NXPE4: variants seen among roughly 807,000 people sequenced by gnomAD.
The protein encoded by NXPE4 is neurexophilin and PC-esterase domain family member 4.
A neutral mutation model predicts 33.3 loss-of-function variants in NXPE4; 42 were observed. The observed-to-expected ratio is 1.26, with a 90% CI of 0.98 to 1.63. The LOEUF (loss-of-function observed/expected upper bound fraction) is 1.63, where lower values mean the gene tolerates loss of function less well. Ranked by LOEUF, NXPE4 falls within the 40% of genes most tolerant of loss-of-function variation. The pLI, the probability that NXPE4 is intolerant of heterozygous loss-of-function variation, is 0.00. For missense variants in NXPE4, 709 were observed against 647.6 expected (o/e 1.09, Z -1.03); for synonymous variants, 253 against 234.9 (o/e 1.08, Z -0.71).
At chr11:114,637,320 A>G in the NXPE4 span, among the ~76,000 whole-genome samples, 8 of 151,682 alleles carry the variant, frequency 5.3e-5, no homozygotes, top group Non-Finnish European at 1.0e-4. Context: ...TGCTTGGTAG[A>G]TCTTCCTCCA....
chr11:114,601,875 T>C, the NXPE4 span, among the ~76,000 whole-genome samples: 1 of 3,828 alleles, frequency 2.6e-4, no homozygotes, highest in Admixed American at 8.9e-3. Context: ...TTATATATAT[T>C]ATATATAATT....
chr11:114,666,698 G>A, the NXPE4 span, among the ~76,000 whole-genome samples: 1 of 151,956 alleles, frequency 6.6e-6, no homozygotes, highest in African/African-American at 2.4e-5. Flanking sequence ...TTTCTAAAGA[G>A]GTATTAGGGT....
chr11:114,571,626 T>C (rs147233881), intron 5 of NXPE4, among the ~76,000 whole-genome samples, 153 bp from the exon 6 acceptor site: 5 of 152,212 alleles, frequency 3.3e-5, no homozygotes, highest in African/African-American at 1.2e-4. Context: ...TTTTGAAAAT[T>C]ATTTGAACAG....
chr11:114,650,324 T>C, the NXPE4 span, among the ~76,000 whole-genome samples: 16 of 152,298 alleles, frequency 1.1e-4, no homozygotes, highest in African/African-American at 3.9e-4. Context: ...TGTGCTAATT[T>C]GGAATAGCTG....
chr11:114,608,975 C>A, the NXPE4 span, among the ~76,000 whole-genome samples: 24 of 151,986 alleles, frequency 1.6e-4, no homozygotes, highest in South Asian at 4.2e-3. Flanking sequence ...AGTGTTGCCT[C>A]GTGGGTAACC....
intron 2 of NXPE4, among the ~76,000 whole-genome samples, chr11:114,590,300 C>A (rs1321865111): frequency 6.6e-6 from 1 of 152,160 alleles, no homozygotes; most frequent in East Asian, 1.9e-4. Context: ...CCCAGCTTTG[C>A]AAAACCTTGG....
At chr11:114,608,663 G>A in the NXPE4 span, among the ~76,000 whole-genome samples, 44 of 151,590 alleles carry the variant, frequency 2.9e-4, no homozygotes, top group Non-Finnish European at 4.9e-4. Context: ...ACTGTTACCC[G>A]GTGGATAATA....
At chr11:114,639,886 G>A in the NXPE4 span, among the ~76,000 whole-genome samples, 423 of 52,816 alleles carry the variant, frequency 8.0e-3, 3 homozygotes, top group East Asian at 0.018. Context: ...TATAAAATAT[G>A]TTATATATTA....
At chr11:114,628,826 A>G in the NXPE4 span, among the ~76,000 whole-genome samples, 1 of 152,002 alleles carries the variant, frequency 6.6e-6, no homozygotes, top group Non-Finnish European at 1.5e-5. Flanking sequence ...GCAATAAAAA[A>G]TGATAAAGGG....
chr11:114,675,418 A>G, the NXPE4 span, among the ~76,000 whole-genome samples: 3 of 151,804 alleles, frequency 2.0e-5, no homozygotes, highest in African/African-American at 7.2e-5. Flanking sequence ...TAAAGACTCC[A>G]CCAAAAAACT....
At chr11:114,591,301 G>A (rs566206410) in intron 2 of NXPE4, among the ~76,000 whole-genome samples, 189 of 152,276 alleles carry the variant, frequency 1.2e-3, no homozygotes, top group Middle Eastern at 6.8e-3. Flanking sequence ...AATTCTCCAT[G>A]CTCATGCTAC....
At chr11:114,602,640 TATA>T in the NXPE4 span, among the ~76,000 whole-genome samples, 10 of 141,676 alleles carry the variant, frequency 7.1e-5, no homozygotes, top group East Asian at 4.2e-4. Context: ...TAGATTCATA[TATA>T]ATAATTTTCT....
At chr11:114,586,837 A>C (rs1363683193) in intron 2 of NXPE4, among the ~76,000 whole-genome samples, 1 of 152,120 alleles carries the variant, frequency 6.6e-6, no homozygotes, top group Non-Finnish European at 1.5e-5. Context: ...TGCTTTAAAA[A>C]TTTTTACAGT....
At chr11:114,629,882 C>A in the NXPE4 span, among the ~76,000 whole-genome samples, 25 of 150,378 alleles carry the variant, frequency 1.7e-4, no homozygotes, top group African/African-American at 5.1e-4. Flanking sequence ...CAACAACAGA[C>A]AAACAGAGAG....
the NXPE4 span, among the ~76,000 whole-genome samples, chr11:114,630,471 T>C: frequency 6.6e-6 from 1 of 151,822 alleles, no homozygotes; most frequent in African/African-American, 2.4e-5. Flanking sequence ...GCTAGCCATA[T>C]GTAGAAAGCT....
the NXPE4 span, among the ~76,000 whole-genome samples, chr11:114,637,646 T>C: frequency 6.6e-6 from 1 of 150,774 alleles, no homozygotes; most frequent in Non-Finnish European, 1.5e-5. Context: ...GGAGCTCTTT[T>C]AGGGCAGACC....
chr11:114,656,936 C>CA, the NXPE4 span, among the ~76,000 whole-genome samples: 40 of 151,770 alleles, frequency 2.6e-4, no homozygotes, highest in Admixed American at 7.9e-4. Flanking sequence ...ACTAAAAATA[C>CA]AAAAAAAATT....
chr11:114,657,008 G>A, the NXPE4 span, among the ~76,000 whole-genome samples: 1 of 152,094 alleles, frequency 6.6e-6, no homozygotes, highest in Non-Finnish European at 1.5e-5. Context: ...GCAGGAGAAT[G>A]GCATGAACCT....
the NXPE4 span, among the ~76,000 whole-genome samples, chr11:114,614,966 GTATT>G: frequency 6.7e-6 from 1 of 150,170 alleles, no homozygotes; most frequent in Non-Finnish European, 1.5e-5. Context: ...TGGTGGATAA[GTATT>G]GCCTCGTGAG....
Sources: gnomAD v4.1 joint callset for allele counts (sites outside exome capture counted in the v4.1 genomes callset) on GRCh38, gnomAD v4.1.1 for gene constraint, MANE v1.5 for transcripts, NCBI Gene and HGNC (gene_info 2026-07-23, HGNC 2026-07-21) for gene names.